CASP6: variants seen among roughly 807,000 people sequenced by gnomAD.
The protein encoded by CASP6 is caspase 6, also known as caspase-6.
Under a neutral mutation model 31.8 loss-of-function variants are expected in CASP6, and 20 were observed. The ratio of observed to expected loss-of-function variants is 0.63; its 90% CI spans 0.44 to 0.91. The LOEUF (loss-of-function observed/expected upper bound fraction) is 0.91. CASP6 is among the 40% of genes least tolerant of loss of function. The pLI, the probability that CASP6 is intolerant of heterozygous loss-of-function variation, is 0.00. For missense variants in CASP6, 328 were observed against 361.1 expected, an observed-to-expected ratio of 0.91 and a Z score of 0.74; for synonymous variants, 130 against 127.8, an observed-to-expected ratio of 1.02 and a Z score of -0.12.
upstream of CASP6, among the ~76,000 whole-genome samples, chr4:109,703,881 A>G (rs1730518838): frequency 6.6e-6 from 1 of 152,090 alleles, no homozygotes; most frequent in South Asian, 2.1e-4. Flanking sequence ...CTGTATTTCA[A>G]CATTGGCTCG....
chr4:109,679,787 T>TTTGTTGTTGTTGTTGTTGTTG, the CASP6 span, among the ~76,000 whole-genome samples: 45 of 151,672 alleles, frequency 3.0e-4, no homozygotes, highest in African/African-American at 1.0e-3. Flanking sequence ...GAGGTATAAT[T>TTTGTTGTTGTTGTTGTTGTTG]TTGTTGTTGT....
At chr4:109,676,192 C>G in the CASP6 span, among the ~76,000 whole-genome samples, 2 of 152,038 alleles carry the variant, frequency 1.3e-5, no homozygotes, top group African/African-American at 4.8e-5. Flanking sequence ...TGTAGGAAGT[C>G]TAAAAGTTTT....
At chr4:109,689,808 T>A (rs1185396320) in intron 6 of CASP6, among the ~76,000 whole-genome samples, 1 of 152,136 alleles carries the variant, frequency 6.6e-6, no homozygotes, top group Non-Finnish European at 1.5e-5. Flanking sequence ...TCCTAAAAAA[T>A]TCCCAAGATA....
the CASP6 span, chr4:109,681,469 C>T: frequency 2.2e-6 from 1 of 453,746 alleles, no homozygotes; most frequent in Non-Finnish European, 4.4e-6. Context: ...CCCAGAACTC[C>T]CAAGATGGTC....
chr4:109,696,558 A>T, intron 3 of CASP6, 72 bp from the exon 4 acceptor site: 2 of 943,318 alleles, frequency 2.1e-6, no homozygotes, highest in South Asian at 3.1e-5. Context: ...CTTTGGAAGA[A>T]TCTATACACA....
At chr4:109,708,780 T>C in the CASP6 span, among the ~76,000 whole-genome samples, 4 of 152,212 alleles carry the variant, frequency 2.6e-5, no homozygotes, top group Admixed American at 6.5e-5. Context: ...TACCTTTTTT[T>C]CCCCTTATTC....
the CASP6 span, among the ~76,000 whole-genome samples, chr4:109,676,919 A>C: frequency 6.6e-6 from 1 of 152,228 alleles, no homozygotes; most frequent in African/African-American, 2.4e-5. Flanking sequence ...AATATTTGGA[A>C]AATTCACAGC....
upstream of CASP6, chr4:109,703,642 C>T (rs185732893): frequency 9.2e-5 from 51 of 552,902 alleles, no homozygotes; most frequent in African/African-American, 9.3e-4. Flanking sequence ...GAGAGGTACG[C>T]GGTCTTCGCC....
chr4:109,697,893 T>G, intron 2 of CASP6, 125 bp from the exon 3 acceptor site: 1 of 1,058,860 alleles, frequency 9.4e-7, no homozygotes, highest in Non-Finnish European at 1.3e-6. Context: ...GTTCCATGGG[T>G]GTGCTCCAGG....
chr4:109,664,780 C>G, the CASP6 span, among the ~76,000 whole-genome samples: 2 of 152,072 alleles, frequency 1.3e-5, no homozygotes, highest in Non-Finnish European at 2.9e-5. Context: ...AAGTGATCAC[C>G]TACAGTTGCC....
chr4:109,672,388 G>A, the CASP6 span, among the ~76,000 whole-genome samples: 5 of 152,200 alleles, frequency 3.3e-5, no homozygotes, highest in African/African-American at 1.2e-4. Context: ...TCATGAAAGT[G>A]TGGGAGTTTT....
the CASP6 span, among the ~76,000 whole-genome samples, chr4:109,674,840 A>G: frequency 1.3e-5 from 2 of 152,276 alleles, no homozygotes; most frequent in Non-Finnish European, 2.9e-5. Context: ...GCAAAGGTAA[A>G]TGAACACTTT....
chr4:109,677,256 C>T, the CASP6 span, among the ~76,000 whole-genome samples: 1 of 152,184 alleles, frequency 6.6e-6, no homozygotes, highest in Non-Finnish European at 1.5e-5. Context: ...ACCTATCCAG[C>T]CATTGTATTT....
chr4:109,698,132 C>A (rs1443496341), intron 2 of CASP6, among the ~76,000 whole-genome samples, 168 bp downstream of exon 2: 2 of 152,174 alleles, frequency 1.3e-5, no homozygotes, highest in Non-Finnish European at 2.9e-5. Flanking sequence ...CCCTCGACAA[C>A]CAGGGGCAGC....
chr4:109,706,170 T>TATATATATAC (rs1452145399), upstream of CASP6, among the ~76,000 whole-genome samples: 14 of 89,038 alleles, frequency 1.6e-4, no homozygotes, highest in East Asian at 2.9e-4. Context: ...TATATATATA[T>TATATATATAC]ACACACACAC....
upstream of CASP6, chr4:109,703,557 G>T: frequency 1.1e-6 from 1 of 870,230 alleles, no homozygotes; most frequent in Non-Finnish European, 1.7e-6. Context: ...CCCGTGGATC[G>T]GGCTGGTCCT....
the CASP6 span, among the ~76,000 whole-genome samples, chr4:109,669,310 T>G: frequency 1.3e-5 from 2 of 152,158 alleles, no homozygotes; most frequent in Admixed American, 1.3e-4. Flanking sequence ...TTAGGCTGCT[T>G]TGTTTTTTTC....
the CASP6 span, chr4:109,674,219 G>A: frequency 1.3e-6 from 1 of 752,352 alleles, no homozygotes; most frequent in Non-Finnish European, 2.4e-6. Context: ...TAATTTGTAT[G>A]GGTTTAGATG....
downstream of CASP6, chr4:109,688,571 A>C (rs1040229883): frequency 6.6e-6 from 1 of 152,230 alleles, no homozygotes; most frequent in Non-Finnish European, 1.5e-5. Context: ...CGAGTAAAAA[A>C]CATCTATCAA....
Sources: allele counts gnomAD v4.1 joint callset (sites outside exome capture counted in the v4.1 genomes callset), GRCh38; gene constraint gnomAD v4.1.1; transcripts MANE v1.5; gene names NCBI Gene and HGNC (gene_info 2026-07-23, HGNC 2026-07-21).